CSF2RB: variants seen among roughly 807,000 people sequenced by gnomAD.
CSF2RB encodes the protein colony stimulating factor 2 receptor subunit beta.
CSF2RB carries 22 observed loss-of-function variants against 67.2 expected under a neutral mutation model. The observed-to-expected ratio is 0.33, with a 90% CI of 0.23 to 0.47. CSF2RB has a LOEUF of 0.47. Ranked by LOEUF, CSF2RB falls within the 20% of genes least tolerant of loss-of-function variation. The probability of loss-of-function intolerance (pLI) is 1.00; values close to 1 mark genes in which losing one functional copy is unlikely to be tolerated. For missense variants in CSF2RB, 1,113 were observed against 1,174.5 expected (o/e 0.95, Z 0.76); for synonymous variants, 507 against 482.9 (o/e 1.05, Z -0.65).
chr22:36,932,886 A>C lies in CSF2RB; in HGVS notation c.1134A>C (p.Lys378Asn). Reference protein sequence around the residue: ...IDHTFEIQYRKDTATWKDSKT... With the variant: ...IDHTFEIQYRNDTATWKDSKT... ...ACACATTTGAGATCCAGTACAGGAAAGACACGGCCACGTGGAAGGTGAGGG... is the reference window on the plus strand; with the variant it reads ...ACACATTTGAGATCCAGTACAGGAACGACACGGCCACGTGGAAGGTGAGGG... The change falls in exon 9 of 14, where the codon AAA becomes AAC. Residue 378 changes from lysine (K) to asparagine (N), a missense_variant. Physicochemically the swap from Lys to Asn is moderately conservative, Grantham distance 94. This residue lies in a region of CSF2RB where 559 missense variants were observed against 656.5 expected (regional missense o/e 0.85). Transcript: ENST00000403662. The C allele has an allele frequency of 6.2e-7, 1 of 1,614,126 alleles. No homozygotes were observed. The highest frequency in any genetic ancestry group is 8.5e-7 in the Non-Finnish European group (1 of 1,180,022).
At chr22:36,916,675 C>T (rs1426644269) in intron 1 of CSF2RB, among the ~76,000 whole-genome samples, 3 of 151,994 alleles carry the variant, frequency 2.0e-5, no homozygotes, top group African/African-American at 4.8e-5. Flanking sequence ...CTGGCCAACA[C>T]GGTGAAACCC....
chr22:36,936,556 G>T lies in CSF2RB; in HGVS notation c.1472G>T (p.Ser491Ile). ...ATGTCTCTGCTCTTGCAGAACGGGA[G>T]CGCAGAGCTTTGGCCCCCAGGCAGC... The part of the protein sequence containing the change: ...PSKSHLFQNG[S>I]AELWPPGSMS... Residue 491 changes from serine (S) to isoleucine (I), a missense_variant, in exon 13 of 14, where the codon AGC becomes ATC. This residue lies in a region of CSF2RB where 559 missense variants were observed against 656.5 expected (regional missense o/e 0.85). Transcript: ENST00000403662. The T allele has an allele frequency of 6.2e-7, 1 of 1,612,748 alleles. No individual in the cohort carries two copies.
intron 1 of CSF2RB, among the ~76,000 whole-genome samples, chr22:36,914,207 T>TATGTGC (rs1818853493): frequency 6.6e-6 from 1 of 152,080 alleles, no homozygotes; most frequent in African/African-American, 2.4e-5. Context: ...CCTGTGTGTG[T>TATGTGC]ATGTGCATGT....
intron 4 of CSF2RB, 61 bp from the exon 5 acceptor site, chr22:36,929,341 C>A: frequency 6.2e-7 from 1 of 1,611,266 alleles, no homozygotes; most frequent in Non-Finnish European, 8.5e-7. Flanking sequence ...AAAGGCCATG[C>A]AGGCCCTGAC....
intron 2 of CSF2RB, 31 bp downstream of exon 2, chr22:36,922,314 G>A: frequency 1.9e-6 from 3 of 1,555,086 alleles, no homozygotes; most frequent in Non-Finnish European, 1.7e-6. Flanking sequence ...CCACTTCCCT[G>A]TCCCTGTCCT....
At chr22:36,919,489 C>T (rs1940801280) in intron 1 of CSF2RB, among the ~76,000 whole-genome samples, 1 of 152,094 alleles carries the variant, frequency 6.6e-6, no homozygotes, top group Non-Finnish European at 1.5e-5. Context: ...GCAACCTCCA[C>T]CTCCCAGGTT....
chr22:36,915,055 A>G (rs1166785346), intron 1 of CSF2RB, among the ~76,000 whole-genome samples: 1 of 152,048 alleles, frequency 6.6e-6, no homozygotes, highest in Non-Finnish European at 1.5e-5. Context: ...ACAAGCATAT[A>G]GTTTTTCTTT....
chr22:36,926,542 G>A (rs1289215296), intron 4 of CSF2RB, among the ~76,000 whole-genome samples: 1 of 152,228 alleles, frequency 6.6e-6, no homozygotes, highest in Non-Finnish European at 1.5e-5. Context: ...TGTGGCCCTT[G>A]AGGCCCAGGA....
intron 1 of CSF2RB, among the ~76,000 whole-genome samples, chr22:36,919,664 G>T (rs976122230): frequency 3.9e-4 from 59 of 152,072 alleles, no homozygotes; most frequent in African/African-American, 1.4e-3. Flanking sequence ...GCCCACCTTG[G>T]CCTCCCAAAG....
intron 1 of CSF2RB, among the ~76,000 whole-genome samples, 194 bp from the exon 2 acceptor site, chr22:36,921,842 T>C (rs1282310984): frequency 2.0e-5 from 3 of 152,044 alleles, no homozygotes; most frequent in Non-Finnish European, 4.4e-5. Context: ...CATTGTGCAG[T>C]GGTAGGTGTC....
In CSF2RB at chr22:36,939,066, G is replaced by C; in HGVS notation, c.*564G>C. 1 of 694,138 alleles carries C rather than the reference G, an allele frequency of 1.4e-6. No individual in the cohort carries two copies. Among genetic ancestry groups the C allele is most frequent in the Non-Finnish European group, 2.6e-6 (1 of 379,718 alleles). 43.0% of individuals were successfully genotyped at this position (694,138 alleles called of 1,614,324 possible). ...AGTGGCACAGGACTGGGCACGCTCAGTGAGGCTCAGGGAATTCAGACTAGC... is the reference window on the plus strand; with the variant it reads ...AGTGGCACAGGACTGGGCACGCTCACTGAGGCTCAGGGAATTCAGACTAGC... On this transcript the variant is annotated 3_prime_UTR_variant, in exon 14 of 14. Transcript: ENST00000403662.
Position 36,930,152 on chromosome 22 carries a change from T to C in CSF2RB, c.719-223T>C, listed in dbSNP as rs557437922. On this transcript the variant is annotated intron_variant, in intron 6 of 13. Transcript: ENST00000403662. ...CAATCCCCAAACACTGAAACTTAGA[T>C]ACTATTTCCATTCTCCCGGGAGGGC... 4.6e-5 allele frequency among the ~76,000 whole-genome samples: 7 copies of C among 152,290 alleles called. No individual in the cohort carries two copies. In the South Asian group the frequency reaches 1.5e-3, roughly 32 times the overall value.
intron 3 of CSF2RB, among the ~76,000 whole-genome samples, 172 bp downstream of exon 3, chr22:36,923,539 G>A (rs1182212927): frequency 1.3e-5 from 2 of 152,322 alleles, no homozygotes; most frequent in South Asian, 4.1e-4. Context: ...AGGCACCTGC[G>A]AGGCCGGGTG....
chr22:36,919,909 G>A (rs966061536), intron 1 of CSF2RB, among the ~76,000 whole-genome samples: 1 of 152,166 alleles, frequency 6.6e-6, no homozygotes, highest in African/African-American at 2.4e-5. Context: ...GTTAGCATAT[G>A]TCAGAATAGA....
rs533489517 is a variant in CSF2RB, at chr22:36,938,674, T to G, written c.*172T>G. On this transcript the variant is annotated 3_prime_UTR_variant, in exon 14 of 14. Coordinates refer to ENST00000403662, the MANE Select transcript of CSF2RB (RefSeq NM_000395.3). ...CCCTTGACCTTCAGCAAATCACTTC[T>G]CTCCCTGCGCTCACACAGACACACA... The G allele has an allele frequency of 1.6e-6, 1 of 643,728 alleles. No homozygotes were observed. Among genetic ancestry groups the G allele is most frequent in the African/African-American group, 1.8e-5 (1 of 54,592 alleles). 39.9% of individuals were successfully genotyped at this position (643,728 alleles called of 1,614,324 possible). A position where few individuals can be genotyped will look rare whatever the true frequency, so the allele number is the denominator to read the frequency against.
At chr22:36,932,740 C>G (rs369341608) in intron 8 of CSF2RB, 25 bp from the exon 9 acceptor site, 2 of 1,610,996 alleles carry the variant, frequency 1.2e-6, no homozygotes, top group South Asian at 2.2e-5. Flanking sequence ...TATGATGACT[C>G]TCCTGAAAGC....
chr22:36,937,456 T>C lies in CSF2RB; in HGVS notation c.1648T>C (p.Ser550Pro). 6.2e-7 allele frequency: 1 copy of C among 1,614,040 alleles called. No individual in the cohort carries two copies. Among genetic ancestry groups the C allele is most frequent in the Non-Finnish European group, 8.5e-7 (1 of 1,179,994 alleles). ...CCCCAAGCATGTCTGTGATCCACCA[T>C]CTGGGCCTGACACGACTCCAGCTGC... ...EDPKHVCDPP[S>P]GPDTTPAASD... The change falls in exon 14 of 14, where the codon TCT becomes CCT. Residue 550 changes from serine to proline, a missense_variant. Physicochemically the swap from Ser to Pro is moderately conservative, Grantham distance 74. This residue lies in a region of CSF2RB where 554 missense variants were observed against 517.9 expected (regional missense o/e 1.07). Coordinates refer to ENST00000403662, the MANE Select transcript of CSF2RB (RefSeq NM_000395.3). The surrounding 1 kb of genome is among the most constrained non-coding windows in gnomAD (Gnocchi z 4.6).
chr22:36,921,240 CTGTG>C (rs746824234), intron 1 of CSF2RB, among the ~76,000 whole-genome samples: 1 of 147,970 alleles, frequency 6.8e-6, no homozygotes, highest in Non-Finnish European at 1.5e-5. Flanking sequence ...GTCTGTGTCT[CTGTG>C]TGTGTGTTTG....
At chr22:36,913,945 G>A (rs180916137) in intron 1 of CSF2RB, among the ~76,000 whole-genome samples, 209 of 152,196 alleles carry the variant, frequency 1.4e-3, no homozygotes, top group African/African-American at 4.7e-3. Flanking sequence ...CCTCGCTAGC[G>A]GGATCTGGTT....
Sources: allele counts gnomAD v4.1 joint callset (sites outside exome capture counted in the v4.1 genomes callset), GRCh38; gene constraint gnomAD v4.1.1; regional missense constraint gnomAD v4.1.1; non-coding constraint Gnocchi (gnomAD v3.1); transcripts MANE v1.5; gene names NCBI Gene and HGNC (gene_info 2026-07-23, HGNC 2026-07-21).